The following FAM81A variants were observed in gnomAD, a reference collection of about 807,000 sequenced individuals.
The protein encoded by FAM81A is family with sequence similarity 81 member A.
A neutral mutation model predicts 46.7 loss-of-function variants in FAM81A; 19 were observed. That is an observed-to-expected ratio of 0.41 (90% CI 0.28 to 0.60). The LOEUF (loss-of-function observed/expected upper bound fraction) is 0.60. FAM81A is among the 20% of genes least tolerant of loss of function. FAM81A has a pLI of 0.34. For synonymous variants in FAM81A, 183 were observed against 152.9 expected (o/e 1.20, Z -1.45); for missense variants, 377 against 453.5 (o/e 0.83, Z 1.53).
rs183800604 is a variant in FAM81A at position 59,443,395 on chromosome 15, A to T, written c.-78+5113A>T. On this transcript the variant is annotated intron_variant, in intron 1 of 8. Coordinates refer to ENST00000288228, the MANE Select transcript of FAM81A (RefSeq NM_152450.3). Reference sequence around the variant, plus strand: ...CTGCACCTGGCCAAAAAGATCTTTTAAAAAAAAGATGTTTTCTGGTCCAGG... The same window carrying T: ...CTGCACCTGGCCAAAAAGATCTTTTTAAAAAAAGATGTTTTCTGGTCCAGG... Among the ~76,000 whole-genome samples the T allele has an allele frequency of 1.5e-4, 23 of 152,230 alleles. 1 individual carries two copies. Among genetic ancestry groups the T allele is most frequent in the African/African-American group, 1.9e-4 (8 of 41,554 alleles).
intron 3 of FAM81A, among the ~76,000 whole-genome samples, chr15:59,466,066 T>G (rs557791958): frequency 6.6e-6 from 1 of 152,342 alleles, no homozygotes; most frequent in South Asian, 2.1e-4. Flanking sequence ...GCATAGTATT[T>G]CATGGTGTAT....
intron 2 of FAM81A, among the ~76,000 whole-genome samples, chr15:59,421,931 A>G (rs2081175685): frequency 6.6e-6 from 1 of 150,764 alleles, no homozygotes; most frequent in Non-Finnish European, 1.5e-5. Context: ...ATCATCTGTC[A>G]CCTATTTATA....
At chr15:59,411,280 G>A (rs2081119378) in intron 2 of FAM81A, among the ~76,000 whole-genome samples, 1 of 152,102 alleles carries the variant, frequency 6.6e-6, no homozygotes, top group Non-Finnish European at 1.5e-5. Flanking sequence ...GGAGGGAAGG[G>A]CTCTTTCTAT....
chr15:59,512,425 T>TC (rs1351310777), intron 6 of FAM81A, among the ~76,000 whole-genome samples: 1 of 114,950 alleles, frequency 8.7e-6, no homozygotes, highest in Non-Finnish European at 1.6e-5. Flanking sequence ...TGAGCCAAAA[T>TC]CACACCACTG....
intron 2 of FAM81A, among the ~76,000 whole-genome samples, chr15:59,429,434 A>AT (rs2081210063): frequency 6.6e-6 from 1 of 152,066 alleles, no homozygotes; most frequent in African/African-American, 2.4e-5. Flanking sequence ...TGTATTGCCT[A>AT]TTAAAAAAAT....
At position 59,459,999 on chromosome 15, in the gene FAM81A, C is replaced by T. The variant is rs779030775; in HGVS notation, c.87C>T (p.Leu29=). 40 of 1,613,208 alleles carry T rather than the reference C, an allele frequency of 2.5e-5. No individual in the cohort carries two copies. The highest frequency in any genetic ancestry group is 1.8e-4 in the Admixed American group (11 of 59,830). The change falls in exon 3 of 9, where the codon CTC becomes CTT. Residue 29 remains leucine (L), a synonymous_variant. Coordinates refer to ENST00000288228, the MANE Select transcript of FAM81A (RefSeq NM_152450.3). ...LTMAPYSSVS[L]VEQLEDRILC... ...TGGCACCATACTCATCTGTAAGCCT[C>T]GTGGAGCAGCTGGAAGACAGGATCC...
intron 3 of FAM81A, among the ~76,000 whole-genome samples, chr15:59,464,807 G>C (rs568248855): frequency 3.3e-5 from 5 of 152,154 alleles, no homozygotes; most frequent in South Asian, 2.1e-4. Flanking sequence ...GTGCAGAAGC[G>C]TTTTTGTTTG....
intron 2 of FAM81A, among the ~76,000 whole-genome samples, chr15:59,412,739 G>A (rs1268419582): frequency 1.3e-5 from 2 of 149,982 alleles, no homozygotes; most frequent in African/African-American, 4.9e-5. Context: ...AGGTGTTACG[G>A]TGTTACAGTG....
At chr15:59,436,502 T>C (rs1237641543), upstream of FAM81A, among the ~76,000 whole-genome samples, 1 of 152,174 alleles carries the variant, frequency 6.6e-6, no homozygotes, top group Non-Finnish European at 1.5e-5. Context: ...ATGCTCTCCA[T>C]ATGCACTGAA....
At chr15:59,484,033 G>A (rs1012289045) in intron 3 of FAM81A, among the ~76,000 whole-genome samples, 6 of 152,080 alleles carry the variant, frequency 3.9e-5, no homozygotes, top group East Asian at 3.9e-4. Flanking sequence ...TGCACCACCC[G>A]TCCACAAGCC....
At chr15:59,407,253 T>G (rs2141533448) in intron 2 of FAM81A, 1 of 152,524 alleles carries the variant, frequency 6.6e-6, no homozygotes, top group South Asian at 2.0e-4. Context: ...AAAAATGCAC[T>G]ATCAACTATC....
At chr15:59,477,270 A>T (rs1437636310) in intron 3 of FAM81A, among the ~76,000 whole-genome samples, 1 of 152,188 alleles carries the variant, frequency 6.6e-6, no homozygotes, top group Admixed American at 6.5e-5. Flanking sequence ...AGATTCTTGA[A>T]GAATATCTTC....
intron 2 of FAM81A, among the ~76,000 whole-genome samples, chr15:59,432,118 T>C (rs2081223078): frequency 6.6e-6 from 1 of 152,254 alleles, no homozygotes; most frequent in Admixed American, 6.5e-5. Context: ...TTACAATTTT[T>C]AAACACTGCA....
At chr15:59,500,123 G>T (rs1195405583) in intron 4 of FAM81A, among the ~76,000 whole-genome samples, 2 of 152,104 alleles carry the variant, frequency 1.3e-5, no homozygotes, top group African/African-American at 4.8e-5. Flanking sequence ...AAAGTGCTGG[G>T]ATTACAGGCG....
At chr15:59,509,554 A>C (rs2082183416) in intron 6 of FAM81A, among the ~76,000 whole-genome samples, 1 of 152,220 alleles carries the variant, frequency 6.6e-6, no homozygotes, top group Admixed American at 6.6e-5. Flanking sequence ...ATAGGGTCAC[A>C]GTCAAGAGAG....
At chr15:59,420,255 C>A (rs761937817) in intron 2 of FAM81A, among the ~76,000 whole-genome samples, 1 of 152,218 alleles carries the variant, frequency 6.6e-6, no homozygotes, top group African/African-American at 2.4e-5. Context: ...CCATTATACC[C>A]TGGTAAGTTT....
chr15:59,469,995 G>A (rs2081664380), intron 3 of FAM81A, among the ~76,000 whole-genome samples: 1 of 152,058 alleles, frequency 6.6e-6, no homozygotes, highest in Non-Finnish European at 1.5e-5. Flanking sequence ...GAAATTCTGG[G>A]TGGAAAAAAT....
intron 6 of FAM81A, among the ~76,000 whole-genome samples, chr15:59,511,900 C>T (rs905740412): frequency 6.6e-6 from 1 of 152,108 alleles, no homozygotes; most frequent in African/African-American, 2.4e-5. Context: ...CTGCCCACCT[C>T]GGCCTCCCAA....
intron 6 of FAM81A, among the ~76,000 whole-genome samples, chr15:59,513,027 A>G (rs186725522): frequency 5.1e-4 from 77 of 152,334 alleles, no homozygotes; most frequent in African/African-American, 1.8e-3. Context: ...TGGTAGCTCT[A>G]CTACAATGGG....
Sources: gnomAD v4.1 joint callset for allele counts (sites outside exome capture counted in the v4.1 genomes callset) on GRCh38, gnomAD v4.1.1 for gene constraint, MANE v1.5 for transcripts, NCBI Gene and HGNC (gene_info 2026-07-23, HGNC 2026-07-21) for gene names.